ZCCHC14: variants seen among roughly 807,000 people sequenced by gnomAD.
ZCCHC14 encodes zinc finger CCHC domain-containing protein 14.
ZCCHC14 carries 16 observed loss-of-function variants against 85.0 expected under a neutral mutation model. That is an observed-to-expected ratio of 0.19 (90% CI 0.13 to 0.29). The LOEUF is 0.29. Among genes scored for constraint, ZCCHC14 ranks in the 10% least tolerant of loss-of-function variants. The probability of loss-of-function intolerance (pLI) is 1.00; values close to 1 mark genes in which losing one functional copy is unlikely to be tolerated. For synonymous variants in ZCCHC14, 775 were observed against 630.7 expected (o/e 1.23, Z -3.43); for missense variants, 1,303 against 1,443.5 (o/e 0.90, Z 1.58).
At chr16:87,482,216 T>C (rs1274452998) in intron 1 of ZCCHC14, among the ~76,000 whole-genome samples, 6 of 152,298 alleles carry the variant, frequency 3.9e-5, no homozygotes, top group Non-Finnish European at 4.4e-5. Context: ...GAACCTTCAC[T>C]GGGAGCTGGA....
chr16:87,467,552 C>T, intron 1 of ZCCHC14: 1 of 1,578,878 alleles, frequency 6.3e-7, no homozygotes, highest in Non-Finnish European at 8.7e-7. Context: ...TTTTTAATGT[C>T]ATCCCACCAA....
chr16:87,489,924 G>C (rs1043569654), intron 1 of ZCCHC14, among the ~76,000 whole-genome samples: 1 of 151,444 alleles, frequency 6.6e-6, no homozygotes, highest in African/African-American at 2.4e-5. Context: ...TTATTAGTGG[G>C]TGGAATCTAC....
intron 2 of ZCCHC14, among the ~76,000 whole-genome samples, chr16:87,446,875 G>A (rs890527954): frequency 9.9e-5 from 15 of 151,740 alleles, no homozygotes; most frequent in Admixed American, 2.6e-4. Context: ...TAGTAGAGAC[G>A]GGGGTTTCAC....
chr16:87,437,624 C>T (rs909473496), intron 2 of ZCCHC14, among the ~76,000 whole-genome samples: 19 of 152,214 alleles, frequency 1.2e-4, no homozygotes, highest in Admixed American at 7.9e-4. Flanking sequence ...GCCAGGCCTG[C>T]GCCCTCCTGA....
intron 1 of ZCCHC14, among the ~76,000 whole-genome samples, chr16:87,489,686 G>C (rs1912664904): frequency 6.6e-6 from 1 of 152,164 alleles, no homozygotes; most frequent in Non-Finnish European, 1.5e-5. Context: ...GGGTGTAGCG[G>C]GGGAGGTGCA....
intron 3 of ZCCHC14, among the ~76,000 whole-genome samples, chr16:87,428,748 TCTAGAATTTTATATAA>T (rs1437896798): frequency 1.3e-5 from 2 of 152,232 alleles, no homozygotes; most frequent in East Asian, 1.9e-4. Context: ...GTCTGCATTT[TCTAGAATTTTATATAA>T]CTAGACTCAT....
intron 2 of ZCCHC14, among the ~76,000 whole-genome samples, chr16:87,457,876 A>G (rs1911050200): frequency 1.3e-5 from 2 of 152,194 alleles, no homozygotes; most frequent in African/African-American, 4.8e-5. Flanking sequence ...ACCCTCTATG[A>G]CTAATGAATG....
intron 1 of ZCCHC14, chr16:87,467,424 ATGAT>A: frequency 6.2e-7 from 1 of 1,602,748 alleles, no homozygotes; most frequent in Non-Finnish European, 8.5e-7. Flanking sequence ...TGGAGCAAAT[ATGAT>A]TGGTAATAAA....
At chr16:87,440,581 T>C (rs1471525329) in intron 2 of ZCCHC14, among the ~76,000 whole-genome samples, 2 of 152,134 alleles carry the variant, frequency 1.3e-5, no homozygotes, top group African/African-American at 2.4e-5. Context: ...TCCCAGACTA[T>C]GCATAAACTG....
intron 4 of ZCCHC14, among the ~76,000 whole-genome samples, chr16:87,423,281 A>C (rs575952368): frequency 2.0e-5 from 3 of 152,342 alleles, no homozygotes; most frequent in South Asian, 2.1e-4. Context: ...TGTAAAGATA[A>C]ACGTGGGAGG....
At chr16:87,462,785 C>T (rs1322295165) in intron 1 of ZCCHC14, among the ~76,000 whole-genome samples, 2 of 151,176 alleles carry the variant, frequency 1.3e-5, no homozygotes, top group Middle Eastern at 3.5e-3. Flanking sequence ...CAAACACGGC[C>T]GAGGCCAGGC....
intron 1 of ZCCHC14, among the ~76,000 whole-genome samples, chr16:87,468,627 CTAACT>C (rs1447404257): frequency 1.3e-5 from 2 of 152,318 alleles, no homozygotes; most frequent in Non-Finnish European, 2.9e-5. Flanking sequence ...GATGTTTTTC[CTAACT>C]TAACTTATAA....
At chr16:87,425,646 A>G (rs1416184668) in intron 3 of ZCCHC14, among the ~76,000 whole-genome samples, 1 of 152,198 alleles carries the variant, frequency 6.6e-6, no homozygotes, top group African/African-American at 2.4e-5. Flanking sequence ...TGCCTTAAAT[A>G]TTAAAATCTC....
intron 1 of ZCCHC14, among the ~76,000 whole-genome samples, chr16:87,488,027 G>T (rs1827334887): frequency 6.6e-6 from 1 of 152,172 alleles, no homozygotes; most frequent in African/African-American, 2.4e-5. Context: ...TGGGGAGATG[G>T]AAACGTTCAG....
At chr16:87,478,860 C>T (rs1912141898) in intron 1 of ZCCHC14, among the ~76,000 whole-genome samples, 1 of 152,062 alleles carries the variant, frequency 6.6e-6, no homozygotes, top group Admixed American at 6.5e-5. Context: ...CCGCCTCGGC[C>T]TCCCAAAGTG....
In ZCCHC14 at chr16:87,487,802, A is replaced by C. The variant is rs1490170371; in HGVS notation, c.570+3867T>G. ...TTCACACAGGGGAACGCCACTCGGC[A>C]GCGAAAGAGGAGGAAGTGCTGACAC... is the stretch of plus-strand genomic sequence containing the variant. On this transcript the variant is annotated intron_variant, in intron 1 of 12. Coordinates refer to ENST00000671377, the MANE Select transcript of ZCCHC14 (RefSeq NM_015144.3). 2.6e-5 allele frequency among the ~76,000 whole-genome samples: 4 copies of C among 152,242 alleles called. No individual in the cohort carries two copies. In the East Asian group the frequency reaches 5.8e-4, roughly 22 times the overall value.
chr16:87,457,131 C>T (rs1911014899), intron 2 of ZCCHC14, among the ~76,000 whole-genome samples: 2 of 152,178 alleles, frequency 1.3e-5, no homozygotes, highest in African/African-American at 2.4e-5. Context: ...CACACAGTGA[C>T]CTGGAGCTGC....
At chr16:87,479,188 G>A (rs561035492) in intron 1 of ZCCHC14, among the ~76,000 whole-genome samples, 65 of 151,858 alleles carry the variant, frequency 4.3e-4, no homozygotes, top group South Asian at 8.3e-4. Flanking sequence ...AGGCTGAGGC[G>A]GGCAGATCAC....
chr16:87,489,888 C>T (rs566643193), intron 1 of ZCCHC14, among the ~76,000 whole-genome samples: 5 of 152,262 alleles, frequency 3.3e-5, no homozygotes, highest in South Asian at 2.1e-4. Flanking sequence ...AAAGAGATGA[C>T]GTTACTGTAG....
Sources: allele counts gnomAD v4.1 joint callset (sites outside exome capture counted in the v4.1 genomes callset), GRCh38; gene constraint gnomAD v4.1.1; transcripts MANE v1.5; gene names NCBI Gene and HGNC (gene_info 2026-07-23, HGNC 2026-07-21).